The following KSR2 variants were observed in gnomAD, a reference collection of about 807,000 sequenced individuals.
KSR2 encodes the protein kinase suppressor of ras 2.
In KSR2, 25 loss-of-function variants were observed where a neutral mutation model predicts 107.8. The ratio of observed to expected loss-of-function variants is 0.23; its 90% CI spans 0.17 to 0.32. The LOEUF is 0.32. Ranked by LOEUF, KSR2 falls within the 10% of genes least tolerant of loss-of-function variation. KSR2 has a pLI of 1.00. For missense variants in KSR2, 887 were observed against 1,268.9 expected (o/e 0.70, Z 4.57); for synonymous variants, 480 against 507.0 (o/e 0.95, Z 0.71).
At chr12:117,619,171 T>C (rs1882037267) in intron 5 of KSR2, among the ~76,000 whole-genome samples, 1 of 152,068 alleles carries the variant, frequency 6.6e-6, no homozygotes, top group East Asian at 1.9e-4. Context: ...CCTGGCAACA[T>C]TTCTTGTGTG....
At chr12:117,496,683 A>G (rs1023034582) in intron 14 of KSR2, among the ~76,000 whole-genome samples, 3 of 152,220 alleles carry the variant, frequency 2.0e-5, no homozygotes, top group African/African-American at 4.8e-5. Flanking sequence ...AAAAATAAAT[A>G]CAATGAAAAC....
intron 1 of KSR2, among the ~76,000 whole-genome samples, chr12:117,936,800 T>C (rs1895862778): frequency 6.6e-6 from 1 of 152,136 alleles, no homozygotes; most frequent in African/African-American, 2.4e-5. Flanking sequence ...CTCTCAGACA[T>C]ATATCCCTAG....
intron 5 of KSR2, among the ~76,000 whole-genome samples, chr12:117,584,780 T>C (rs534231625): frequency 3.9e-5 from 6 of 152,364 alleles, no homozygotes; most frequent in African/African-American, 1.4e-4. Flanking sequence ...CTAGGGATTA[T>C]GCTATGCATT....
chr12:117,739,215 C>T (rs548184148), intron 4 of KSR2, among the ~76,000 whole-genome samples: 79 of 152,006 alleles, frequency 5.2e-4, no homozygotes, highest in African/African-American at 1.6e-3. Context: ...ATTAGCCGGG[C>T]GTGGTAGCGG....
intron 6 of KSR2, 43 bp from the exon 7 acceptor site, chr12:117,579,245 C>A (rs373706846): frequency 1.1e-5 from 15 of 1,373,806 alleles, no homozygotes; most frequent in Non-Finnish European, 1.4e-5. Context: ...AAGGAAATGG[C>A]GACTGACCTA....
At chr12:117,581,068 A>T (rs1181318994) in intron 6 of KSR2, among the ~76,000 whole-genome samples, 3 of 152,196 alleles carry the variant, frequency 2.0e-5, no homozygotes, top group South Asian at 4.1e-4. Flanking sequence ...AGGCCTGACC[A>T]TTGACGTGTC....
intron 1 of KSR2, among the ~76,000 whole-genome samples, chr12:117,953,322 CT>C (rs140946019): frequency 0.013 from 1,952 of 152,270 alleles, 46 homozygotes; most frequent in African/African-American, 0.045. Context: ...GATTCTGCCC[CT>C]GGTATACACC....
Position 117,968,305 on chromosome 12 carries a change from A to AGGGT in KSR2, c.-51_-50insACCC, listed in dbSNP as rs10651702. On this transcript the variant is annotated 5_prime_UTR_variant, in exon 1 of 20. Coordinates refer to ENST00000339824, the MANE Select transcript of KSR2 (RefSeq NM_173598.6). ...CTCCTCCTCCTCCCAGAGAGAAAAA[A>AGGGT]GAGGGGGGGGAGTAGAGGTAGTCTA... 6 of 1,110,342 alleles carry AGGGT rather than the reference A, an allele frequency of 5.4e-6. No individual in the cohort carries two copies. The highest frequency in any genetic ancestry group is 7.7e-5 in the Admixed American group (2 of 25,946). 68.8% of individuals were successfully genotyped at this position (1,110,342 alleles called of 1,614,324 possible).
intron 5 of KSR2, among the ~76,000 whole-genome samples, chr12:117,602,207 T>G (rs1350706300): frequency 6.6e-6 from 1 of 152,216 alleles, no homozygotes; most frequent in Non-Finnish European, 1.5e-5. Context: ...GGGCCAGGTT[T>G]TTTTTGTTTT....
Position 117,616,911 on chromosome 12 carries a change from G to GTTCA in KSR2, c.1172-34556_1172-34553dup, listed in dbSNP as rs374764025. ...TCTCCTTGCTTTCTTTCATTCTTTT[G>GTTCA]TTCATTCATTCATTCATATGTGCAT... is the stretch of plus-strand genomic sequence containing the variant. On this transcript the variant is annotated intron_variant, in intron 5 of 19. Coordinates refer to ENST00000339824, the MANE Select transcript of KSR2 (RefSeq NM_173598.6). Among the ~76,000 whole-genome samples the GTTCA allele has an allele frequency of 4.9e-4, 74 of 151,920 alleles. No homozygotes were observed. In the East Asian group the frequency reaches 9.7e-3, roughly 20 times the overall value.
intron 3 of KSR2, among the ~76,000 whole-genome samples, chr12:117,800,660 G>A (rs532117777): frequency 3.7e-4 from 57 of 152,210 alleles, no homozygotes; most frequent in African/African-American, 1.3e-3. Context: ...GTATACATGT[G>A]CCATGGTGGT....
chr12:117,511,134 A>T (rs1873999127), intron 14 of KSR2, among the ~76,000 whole-genome samples: 1 of 152,226 alleles, frequency 6.6e-6, no homozygotes. Flanking sequence ...ACTAAAGTTC[A>T]ATTACTCAAG....
At chr12:117,823,436 A>G (rs1172442024) in intron 3 of KSR2, among the ~76,000 whole-genome samples, 1 of 152,182 alleles carries the variant, frequency 6.6e-6, no homozygotes, top group Non-Finnish European at 1.5e-5. Context: ...TTGAGTGCAT[A>G]TAGCATTTGA....
intron 14 of KSR2, among the ~76,000 whole-genome samples, chr12:117,489,540 C>A (rs1399454220): frequency 7.3e-6 from 1 of 136,448 alleles, no homozygotes; most frequent in Admixed American, 7.3e-5. Flanking sequence ...CAGAGTGAGA[C>A]CCTGTCTCAA....
intron 14 of KSR2, among the ~76,000 whole-genome samples, chr12:117,488,813 C>T (rs1393884275): frequency 6.6e-6 from 1 of 151,878 alleles, no homozygotes; most frequent in Non-Finnish European, 1.5e-5. Context: ...TCTCCTGCCT[C>T]AGCCTCCCAA....
chr12:117,660,131 G>C (rs1233414180), intron 5 of KSR2, among the ~76,000 whole-genome samples: 1 of 152,180 alleles, frequency 6.6e-6, no homozygotes, highest in African/African-American at 2.4e-5. Context: ...CTTTGAATAG[G>C]TATTGACTTG....
rs997116934 is a variant in KSR2, at chr12:117,457,116, C to T, written c.*10083G>A. The T allele has an allele frequency of 6.6e-6, 1 of 152,248 alleles. No homozygotes were observed. The highest frequency in any genetic ancestry group is 1.5e-5 in the Non-Finnish European group (1 of 68,050). 9.4% of individuals were successfully genotyped at this position (152,248 alleles called of 1,614,324 possible). A position where few individuals can be genotyped will look rare whatever the true frequency, so the allele number is the denominator to read the frequency against. Reference sequence around the variant, plus strand: ...TGGAGAGAATGACTGGAGATTTCAGCCCCTGTCCGTGCAGACGGTGAAAGG... The same window carrying T: ...TGGAGAGAATGACTGGAGATTTCAGTCCCTGTCCGTGCAGACGGTGAAAGG... On this transcript the variant is annotated 3_prime_UTR_variant, in exon 20 of 20. Transcript: ENST00000339824.
At chr12:117,740,370 AG>A (rs1223429266) in intron 4 of KSR2, among the ~76,000 whole-genome samples, 9 of 141,134 alleles carry the variant, frequency 6.4e-5, no homozygotes, top group Non-Finnish European at 1.2e-4. Flanking sequence ...TATATATATT[AG>A]ATATGTTATA....
rs192897836 is a variant in KSR2, at chr12:117,856,577, A to G, written c.322-999T>C. On this transcript the variant is annotated intron_variant, in intron 2 of 19. Coordinates refer to ENST00000339824, the MANE Select transcript of KSR2 (RefSeq NM_173598.6). ...CTGCAACATCCACCTCCCGGGTTCA[A>G]GCGATTCTCCTGCCTCAGCCTCCTA... Among the ~76,000 whole-genome samples the G allele has an allele frequency of 1.9e-3, 292 of 152,140 alleles. 8 individuals carry two copies. In the East Asian group the frequency reaches 0.022, roughly 11 times the overall value.
Sources: gnomAD v4.1 joint callset for allele counts (sites outside exome capture counted in the v4.1 genomes callset) on GRCh38, gnomAD v4.1.1 for gene constraint, MANE v1.5 for transcripts, NCBI Gene and HGNC (gene_info 2026-07-23, HGNC 2026-07-21) for gene names.